EYA2: variants seen among roughly 807,000 people sequenced by gnomAD.
The protein encoded by EYA2 is EYA transcriptional coactivator and phosphatase 2, also known as protein phosphatase EYA2.
A neutral mutation model predicts 69.2 loss-of-function variants in EYA2; 31 were observed. The observed-to-expected ratio is 0.45, with a 90% CI of 0.34 to 0.60. EYA2 has a LOEUF of 0.60. Ranked by LOEUF, EYA2 falls within the 20% of genes least tolerant of loss-of-function variation. The pLI is 0.02. For synonymous variants in EYA2, 257 were observed against 279.4 expected (o/e 0.92, Z 0.80); for missense variants, 622 against 701.2 (o/e 0.89, Z 1.28).
chr20:47,014,206 GGTCACCA>G (rs982231671), intron 4 of EYA2, among the ~76,000 whole-genome samples: 4 of 152,080 alleles, frequency 2.6e-5, no homozygotes, highest in Admixed American at 2.6e-4. Flanking sequence ...AAACTTTCCA[GGTCACCA>G]GTCAATGAAG....
intron 3 of EYA2, among the ~76,000 whole-genome samples, chr20:47,003,292 T>G (rs2146348139): frequency 6.6e-6 from 1 of 152,364 alleles, no homozygotes; most frequent in Non-Finnish European, 1.5e-5. Flanking sequence ...CCAAGGCTTA[T>G]CACAGTTGTG....
chr20:47,132,628 C>G (rs994799489), intron 9 of EYA2, among the ~76,000 whole-genome samples: 1 of 152,178 alleles, frequency 6.6e-6, no homozygotes, highest in African/African-American at 2.4e-5. Flanking sequence ...GAACCTGGGT[C>G]CTGCCAACTC....
intron 10 of EYA2, among the ~76,000 whole-genome samples, chr20:47,166,706 A>G (rs930119990): frequency 6.7e-6 from 1 of 150,096 alleles, no homozygotes; most frequent in Non-Finnish European, 1.5e-5. Flanking sequence ...GCCACTGTGC[A>G]CCCGACACTG....
chr20:47,083,775 GA>G (rs1220370514), intron 7 of EYA2, among the ~76,000 whole-genome samples: 2 of 151,830 alleles, frequency 1.3e-5, no homozygotes, highest in African/African-American at 4.8e-5. Context: ...GATCCAAAAA[GA>G]AAAAAAGAAT....
chr20:47,126,360 C>G (rs538857755), intron 9 of EYA2, among the ~76,000 whole-genome samples: 6 of 152,312 alleles, frequency 3.9e-5, no homozygotes, highest in African/African-American at 1.4e-4. Context: ...TGCTTTCCAC[C>G]CATCACCTCC....
At chr20:47,180,760 A>C (rs1193535332) in intron 13 of EYA2, 55 bp from the exon 14 acceptor site, 5 of 1,590,708 alleles carry the variant, frequency 3.1e-6, no homozygotes, top group East Asian at 2.2e-5. Context: ...CAGCAAGAGG[A>C]GGCCTGGCCT....
chr20:47,086,919 G>GC (rs1238780755), intron 7 of EYA2, among the ~76,000 whole-genome samples: 1 of 139,512 alleles, frequency 7.2e-6, no homozygotes, highest in Non-Finnish European at 1.6e-5. Context: ...CTGTTTTAAT[G>GC]GGGGGGGCAA....
chr20:47,016,930 G>A (rs536153917), intron 5 of EYA2, among the ~76,000 whole-genome samples: 57 of 152,344 alleles, frequency 3.7e-4, no homozygotes, highest in African/African-American at 1.3e-3. Context: ...CAAGTCTATT[G>A]TAGAGACTCA....
intron 10 of EYA2, among the ~76,000 whole-genome samples, chr20:47,147,797 G>C (rs1233131531): frequency 6.6e-6 from 1 of 152,308 alleles, no homozygotes; most frequent in African/African-American, 2.4e-5. Context: ...GGTGGCTCAC[G>C]CCTGTAGTCC....
intron 1 of EYA2, among the ~76,000 whole-genome samples, chr20:46,985,637 A>G (rs1218536933): frequency 1.3e-5 from 2 of 152,204 alleles, no homozygotes; most frequent in African/African-American, 4.8e-5. Flanking sequence ...CAATGGAAAA[A>G]GAGGGTCAAA....
At chr20:47,169,498 G>T (rs1193212968) in intron 11 of EYA2, among the ~76,000 whole-genome samples, 1 of 152,020 alleles carries the variant, frequency 6.6e-6, no homozygotes, top group Non-Finnish European at 1.5e-5. Flanking sequence ...ATAAATAAAT[G>T]AGTAAAAATT....
At chr20:46,972,713 G>A (rs1980214861) in intron 1 of EYA2, among the ~76,000 whole-genome samples, 1 of 152,110 alleles carries the variant, frequency 6.6e-6, no homozygotes, top group African/African-American at 2.4e-5. Context: ...CACACCATTA[G>A]CAAGTGGCAG....
chr20:46,995,371 AAAT>A (rs1413757125), intron 2 of EYA2, among the ~76,000 whole-genome samples: 1 of 152,192 alleles, frequency 6.6e-6, no homozygotes, highest in Non-Finnish European at 1.5e-5. Flanking sequence ...AGACTCCCTA[AAAT>A]CATCGCAGTC....
chr20:47,127,582 A>G (rs1056476854), intron 9 of EYA2, among the ~76,000 whole-genome samples: 5 of 152,246 alleles, frequency 3.3e-5, no homozygotes, highest in Admixed American at 2.0e-4. Flanking sequence ...GAAAATATGT[A>G]TGAAGAGCAC....
At chr20:46,983,362 G>A (rs933134493) in intron 1 of EYA2, among the ~76,000 whole-genome samples, 1 of 152,132 alleles carries the variant, frequency 6.6e-6, no homozygotes, top group African/African-American at 2.4e-5. Flanking sequence ...GATAGTAGAG[G>A]CAAATCACTT....
intron 5 of EYA2, among the ~76,000 whole-genome samples, chr20:47,054,365 C>T (rs1346750166): frequency 2.0e-5 from 3 of 152,136 alleles, no homozygotes; most frequent in Non-Finnish European, 4.4e-5. Context: ...CGCAGTTTCC[C>T]CTGAAATTCA....
At chr20:47,117,456 C>T (rs1600721276) in intron 9 of EYA2, 2 of 985,324 alleles carry the variant, frequency 2.0e-6, no homozygotes, top group Non-Finnish European at 2.4e-6. Context: ...TCCACAGCTC[C>T]TCGACCGGCT....
chr20:47,079,598 T>C (rs766233227), intron 7 of EYA2, among the ~76,000 whole-genome samples: 26 of 152,198 alleles, frequency 1.7e-4, no homozygotes, highest in South Asian at 1.0e-3. Flanking sequence ...AGAATATTTA[T>C]TTTTTTAAAA....
intron 9 of EYA2, among the ~76,000 whole-genome samples, chr20:47,137,925 T>G (rs1208237986): frequency 7.0e-6 from 1 of 143,520 alleles, no homozygotes; most frequent in Non-Finnish European, 1.5e-5. Flanking sequence ...CACTCATAGG[T>G]GGGAATTGAA....
Sources: gnomAD v4.1 joint callset for allele counts (sites outside exome capture counted in the v4.1 genomes callset) on GRCh38, gnomAD v4.1.1 for gene constraint, MANE v1.5 for transcripts, NCBI Gene and HGNC (gene_info 2026-07-23, HGNC 2026-07-21) for gene names.